ZNF7: variants seen among roughly 807,000 people sequenced by gnomAD.
ZNF7 encodes zinc finger protein 7, also known as C2-H2 type zinc finger protein.
In ZNF7, 10 loss-of-function variants were observed where a neutral mutation model predicts 12.0. That is an observed-to-expected ratio of 0.83 (90% CI 0.51 to 1.42). The LOEUF is 1.42. ZNF7 is among the 40% of genes most tolerant of loss of function. ZNF7 has a pLI of 0.00. For synonymous variants in ZNF7, 334 were observed against 295.0 expected (o/e 1.13, Z -1.35); for missense variants, 854 against 837.2 (o/e 1.02, Z -0.25).
At chr8:144,833,637 C>G (rs1326684727) in intron 3 of ZNF7, 1 of 152,030 alleles carries the variant, frequency 6.6e-6, no homozygotes. Flanking sequence ...CTTGGTCTCC[C>G]AAAGTGCTGG....
Position 144,829,055 on chromosome 8 carries a change from G to T in ZNF7, c.-33G>T. On this transcript the variant is annotated 5_prime_UTR_variant, in exon 2 of 5. Transcript: ENST00000532777. The stretch of plus-strand genomic sequence containing the variant: ...TAATTGCCAACAGGTCTCTCGGCCA[G>T]AACACGTGGATGCCCACCCACCACT... 6.2e-7 allele frequency: 1 copy of T among 1,613,982 alleles called. No individual in the cohort carries two copies. The highest frequency in any genetic ancestry group is 1.3e-5 in the African/African-American group (1 of 75,052).
Position 144,842,073 on chromosome 8 carries a change from C to T in ZNF7, c.966C>T (p.Ile322=), listed in dbSNP as rs1830000778. ...CTTTTGGTCAGAGCTCAAGCCTCAT[C>T]CACCATCAGAGAATCCACACAGGAG... The part of the protein sequence containing the change: ...GKAFGQSSSL[I]HHQRIHTGER... The change falls in exon 5 of 5, where the codon ATC becomes ATT. Residue 322 remains isoleucine (I), a synonymous_variant. Transcript: ENST00000532777. 3.1e-6 allele frequency: 5 copies of T among 1,613,964 alleles called. No individual in the cohort carries two copies. The highest frequency in any genetic ancestry group is 4.2e-6 in the Non-Finnish European group (5 of 1,179,978).
In ZNF7 at chr8:144,842,726, TTACAA is replaced by T. The variant is rs1830110057; in HGVS notation, c.1624_1628del (p.Ile542SerfsTer11). The T allele has an allele frequency of 3.1e-6, 5 of 1,614,052 alleles. No homozygotes were observed. Among genetic ancestry groups the T allele is most frequent in the Non-Finnish European group, 4.2e-6 (5 of 1,180,054 alleles). ...AAAGCCTTCAGTATGAGCACACAGC[TTACAA>T]TACATCAAAGGGTTCACACTGGAGA... On this transcript the variant is annotated frameshift_variant, in exon 5 of 5. Transcript: ENST00000532777. LOFTEE classifies it low-confidence loss of function (END_TRUNC).
chr8:144,840,515 C>T (rs1280290917), intron 4 of ZNF7, among the ~76,000 whole-genome samples: 5 of 152,124 alleles, frequency 3.3e-5, no homozygotes, highest in South Asian at 2.1e-4. Flanking sequence ...TGATCATAGC[C>T]GTGTGTTGTG....
rs769160163 is a variant in ZNF7, at chr8:144,843,270, T to C, written c.*102T>C. ...TACTGACAAACATGTAGAATGTTGG[T>C]AAAGGTTCAGAATTGCTCTCAAGAA... On this transcript the variant is annotated 3_prime_UTR_variant, in exon 5 of 5. Transcript: ENST00000532777. 3.0e-4 allele frequency: 418 copies of C among 1,372,988 alleles called. No homozygotes were observed. Among genetic ancestry groups the C allele is most frequent in the Non-Finnish European group, 3.9e-4 (393 of 1,020,118 alleles). The allele number at this position is 1,372,988 out of a possible 1,614,324, so 85.1% of individuals were successfully genotyped here.
rs1830082638 is a variant in ZNF7 at position 144,842,575 on chromosome 8, A to G, written c.1468A>G (p.Ile490Val). 1.9e-6 allele frequency: 3 copies of G among 1,614,110 alleles called. No homozygotes were observed. Among genetic ancestry groups the G allele is most frequent in the Admixed American group, 1.7e-5 (1 of 60,014 alleles). ...QGSHLIQHQR[I>V]HTGEKPYVCN... ...CTCACACCTTATTCAGCATCAGCGA[A>G]TCCACACTGGAGAGAAACCCTATGT... is the stretch of plus-strand genomic sequence containing the variant. The change falls in exon 5 of 5, where the codon ATC (isoleucine) becomes GTC (valine). Residue 490 changes from isoleucine (I) to valine (V), a missense_variant. By Grantham distance (29) the Ile-to-Val change is conservative. Transcript: ENST00000532777.
chr8:144,829,632 C>T (rs1303553292), intron 3 of ZNF7, 28 bp downstream of exon 3: 1 of 1,585,690 alleles, frequency 6.3e-7, no homozygotes, highest in South Asian at 1.1e-5. Flanking sequence ...GGCCCCTTCC[C>T]CTGCATCATC....
At chr8:144,828,743 G>T (rs1161002259) in intron 1 of ZNF7, 3 of 393,614 alleles carry the variant, frequency 7.6e-6, no homozygotes, top group Non-Finnish European at 9.4e-6. Context: ...CTTCGTGAAG[G>T]CAGGGTCCTC....
chr8:144,832,973 G>T (rs532742927), intron 3 of ZNF7, among the ~76,000 whole-genome samples: 1 of 151,790 alleles, frequency 6.6e-6, no homozygotes, highest in African/African-American at 2.4e-5. Flanking sequence ...CGAGGTGGGC[G>T]GATCACCTGA....
At chr8:144,829,338 C>G (rs966057921) in intron 2 of ZNF7, 140 bp from the exon 3 acceptor site, 3 of 1,545,424 alleles carry the variant, frequency 1.9e-6, no homozygotes, top group African/African-American at 1.4e-5. Flanking sequence ...CTGCCCCTCC[C>G]CAGAATATTA....
chr8:144,844,109 G>C (rs117149707), downstream of ZNF7, among the ~76,000 whole-genome samples: 70 of 152,330 alleles, frequency 4.6e-4, 1 homozygote, highest in East Asian at 0.013. Context: ...TGTCCCAGGG[G>C]CTTGCTGTGT....
intron 3 of ZNF7, chr8:144,835,521 T>TA (rs1828892958): frequency 6.6e-6 from 1 of 152,064 alleles, no homozygotes; most frequent in South Asian, 2.1e-4. Flanking sequence ...TTTAATCTGT[T>TA]ATATTTGTAA....
Position 144,843,457 on chromosome 8 carries a change from A to G in ZNF7, c.*289A>G, listed in dbSNP as rs2955207. On this transcript the variant is annotated 3_prime_UTR_variant, in exon 5 of 5. Coordinates refer to ENST00000532777, the MANE Select transcript of ZNF7 (RefSeq NM_003416.4). ...CAAAAATTTAGCTGGGCGTGGTGGC[A>G]GGCACCTGTGGTCCCAGCTGCTCGG... The G allele has an allele frequency of 0.04, 9,646 of 243,760 alleles. 241 individuals are homozygous for G. Among genetic ancestry groups the G allele is most frequent in the African/African-American group, 0.067 (2,942 of 44,132 alleles). 15.1% of individuals were successfully genotyped at this position (243,760 alleles called of 1,614,324 possible).
At chr8:144,830,299 C>T (rs1828291935) in intron 3 of ZNF7, among the ~76,000 whole-genome samples, 1 of 152,246 alleles carries the variant, frequency 6.6e-6, no homozygotes, top group Non-Finnish European at 1.5e-5. Context: ...CTGTCCCCCT[C>T]TGTCCCGGCT....
chr8:144,841,572 G>A lies in ZNF7; in HGVS notation c.465G>A (p.Glu155=), dbSNP rs766934206. ...CCTTCCAAAATAACTGTTTGAATGA[G>A]GAGACTGTGGTTCCCAAGACCTTCA... ...GFTFQNNCLN[E]ETVVPKTFTK... The change falls in exon 5 of 5, where the codon GAG becomes GAA. Residue 155 remains glutamate (E), a synonymous_variant. Transcript: ENST00000532777. 4.3e-6 allele frequency: 7 copies of A among 1,614,154 alleles called. No individual in the cohort carries two copies. In the South Asian group the frequency reaches 6.6e-5, roughly 15 times the overall value.
rs61254094 is a variant in ZNF7, at chr8:144,841,799, A to C, written c.692A>C (p.Lys231Thr). 6.2e-7 allele frequency: 1 copy of C among 1,614,252 alleles called. No individual in the cohort carries two copies. The highest frequency in any genetic ancestry group is 1.3e-5 in the African/African-American group (1 of 75,072). Residue 231 changes from lysine to threonine, a missense_variant, in exon 5 of 5, where the codon AAG (lysine) becomes ACG (threonine). Physicochemically the swap from Lys to Thr is moderately conservative, Grantham distance 78. Transcript: ENST00000532777. ...AGCAGATGTCAAGAATGCCAAAAAA[A>C]GTTATCTGACTGCTTGCAGGGGAAA... ...KISRCQECQK[K>T]LSDCLQGKHT... is the part of the protein sequence containing the mutation.
Position 144,841,752 on chromosome 8 carries a change from G to T in ZNF7, c.645G>T (p.Trp215Cys). The T allele has an allele frequency of 6.2e-7, 1 of 1,614,120 alleles. No homozygotes were observed. The highest frequency in any genetic ancestry group is 8.5e-7 in the Non-Finnish European group (1 of 1,180,040). ...CCACTTCAGATATCGCTCTGCATTG[G>T]GAAATTAATACACAGAAAATTAGCA... is the stretch of plus-strand genomic sequence containing the variant. Reference protein sequence around the residue: ...IRATSDIALHWEINTQKISRC... With the variant: ...IRATSDIALHCEINTQKISRC... The change falls in exon 5 of 5, where the codon TGG (tryptophan) becomes TGT (cysteine). Residue 215 changes from tryptophan (W) to cysteine (C), a missense_variant. By Grantham distance (215) the Trp-to-Cys change is radical (BLOSUM62 -2). Coordinates refer to ENST00000532777, the MANE Select transcript of ZNF7 (RefSeq NM_003416.4).
chr8:144,840,108 CTCTTA>C (rs1829682874), intron 4 of ZNF7, among the ~76,000 whole-genome samples: 1 of 152,210 alleles, frequency 6.6e-6, no homozygotes, highest in African/African-American at 2.4e-5. Context: ...CCACCCTGCT[CTCTTA>C]TCTTCACAGC....
chr8:144,830,826 T>A (rs1828363979), intron 3 of ZNF7: 5 of 404,550 alleles, frequency 1.2e-5, no homozygotes, highest in South Asian at 8.8e-5. Context: ...CTCCGCCTCC[T>A]GGGTTCAAGC....
Sources: allele counts gnomAD v4.1 joint callset (sites outside exome capture counted in the v4.1 genomes callset), GRCh38; gene constraint gnomAD v4.1.1; transcripts MANE v1.5; gene names NCBI Gene and HGNC (gene_info 2026-07-23, HGNC 2026-07-21).